The following SLC25A48 variants were observed in gnomAD, a reference collection of about 807,000 sequenced individuals.
SLC25A48 encodes the protein solute carrier family 25 member 48.
A neutral mutation model predicts 32.2 loss-of-function variants in SLC25A48; 29 were observed. The ratio of observed to expected loss-of-function variants is 0.90; its 90% CI spans 0.67 to 1.23. SLC25A48 has a LOEUF of 1.23. Ranked by LOEUF, SLC25A48 falls within the 50% of genes most tolerant of loss-of-function variation. The pLI is 0.00. For synonymous variants in SLC25A48, 164 were observed against 172.3 expected, an observed-to-expected ratio of 0.95 and a Z score of 0.38; for missense variants, 399 against 422.7, an observed-to-expected ratio of 0.94 and a Z score of 0.49.
chr5:135,609,796 C>T (rs936853091), intron 1 of SLC25A48: 9 of 152,112 alleles, frequency 5.9e-5, no homozygotes, highest in Admixed American at 1.3e-4. Flanking sequence ...AAAGAGAATA[C>T]GTGTACATTC....
chr5:135,856,009 C>A (rs893574240), intron 4 of SLC25A48, among the ~76,000 whole-genome samples: 2 of 152,164 alleles, frequency 1.3e-5, no homozygotes, highest in African/African-American at 2.4e-5. Flanking sequence ...GTGGCTTTCC[C>A]AAAGGAGGGT....
At chr5:135,689,466 G>A (rs993182162) in intron 3 of SLC25A48, among the ~76,000 whole-genome samples, 2 of 152,190 alleles carry the variant, frequency 1.3e-5, no homozygotes, top group Admixed American at 6.5e-5. Context: ...TACATACATT[G>A]TTGAATAAGT....
chr5:135,730,628 C>T (rs1194230667), intron 3 of SLC25A48, among the ~76,000 whole-genome samples: 1 of 152,176 alleles, frequency 6.6e-6, no homozygotes, highest in African/African-American at 2.4e-5. Flanking sequence ...AATGTGGAAG[C>T]AACTTTGGAA....
In SLC25A48 at chr5:135,865,167, T is replaced by C. The variant is rs79933891; in HGVS notation, c.422-6294T>C. ...ATGAGGAAACTAAGACCCAGTGAGA[T>C]TGAATCTCTTGCATGGGGTTGTACA... is the stretch of plus-strand genomic sequence containing the variant. On this transcript the variant is annotated intron_variant, in intron 4 of 7. Transcript: ENST00000681962. 9.1e-3 allele frequency among the ~76,000 whole-genome samples: 1,382 copies of C among 152,332 alleles called. 26 individuals are homozygous for C. The highest frequency in any genetic ancestry group is 0.031 in the African/African-American group (1,295 of 41,572).
intron 3 of SLC25A48, among the ~76,000 whole-genome samples, chr5:135,650,687 C>A (rs55707666): frequency 0.011 from 1,685 of 152,272 alleles, 38 homozygotes; most frequent in African/African-American, 0.037. Flanking sequence ...GTCAGGACCA[C>A]AAGGTTTGTT....
chr5:135,808,895 G>C (rs1016826806), intron 3 of SLC25A48, among the ~76,000 whole-genome samples: 1 of 152,056 alleles, frequency 6.6e-6, no homozygotes, highest in Non-Finnish European at 1.5e-5. Context: ...TCTCTTTCCC[G>C]TTTCAACAAC....
chr5:135,682,948 A>G (rs1404988010), intron 3 of SLC25A48, among the ~76,000 whole-genome samples: 1 of 152,190 alleles, frequency 6.6e-6, no homozygotes, highest in African/African-American at 2.4e-5. Context: ...AGGTCTGCTT[A>G]TGAGAACTCA....
chr5:135,752,760 T>G (rs1048723585), intron 3 of SLC25A48, among the ~76,000 whole-genome samples: 1 of 152,136 alleles, frequency 6.6e-6, no homozygotes, highest in African/African-American at 2.4e-5. Flanking sequence ...GTCATATCTC[T>G]ATGATATTAT....
intron 3 of SLC25A48, among the ~76,000 whole-genome samples, chr5:135,750,368 G>C (rs1253057210): frequency 6.6e-6 from 1 of 152,126 alleles, no homozygotes; most frequent in Admixed American, 6.5e-5. Flanking sequence ...TTCGACTGGG[G>C]GTTGGCTGGA....
chr5:135,655,033 C>G (rs1202528643), intron 3 of SLC25A48, among the ~76,000 whole-genome samples: 1 of 152,172 alleles, frequency 6.6e-6, no homozygotes, highest in African/African-American at 2.4e-5. Context: ...GCTGGGGGAC[C>G]TAGCAGGGCC....
At chr5:135,778,025 G>T (rs62365737) in intron 3 of SLC25A48, among the ~76,000 whole-genome samples, 45,791 of 151,402 alleles carry the variant, frequency 0.3, 7,058 homozygotes, top group East Asian at 0.46. Context: ...ATCCAAACGG[G>T]GAGAGGCTGA....
intron 6 of SLC25A48, among the ~76,000 whole-genome samples, chr5:135,879,721 G>T (rs952309580): frequency 6.6e-6 from 1 of 152,070 alleles, no homozygotes; most frequent in African/African-American, 2.4e-5. Flanking sequence ...TGGCCCAACA[G>T]CTTACCTATA....
chr5:135,721,192 C>CTTGTTTTTTTTTT (rs1754944753), intron 3 of SLC25A48, among the ~76,000 whole-genome samples: 1 of 53,866 alleles, frequency 1.9e-5, no homozygotes, highest in Non-Finnish European at 4.2e-5. Context: ...CATGCCTGGC[C>CTTGTTTTTTTTTT]TTTTTTTTTT....
intron 2 of SLC25A48, among the ~76,000 whole-genome samples, chr5:135,631,764 A>G (rs1179399292): frequency 6.6e-6 from 1 of 152,228 alleles, no homozygotes; most frequent in Non-Finnish European, 1.5e-5. Context: ...TTCATTTAAA[A>G]TGTTGTTCTA....
chr5:135,765,969 C>T (rs1321535147), intron 3 of SLC25A48, among the ~76,000 whole-genome samples: 2 of 151,288 alleles, frequency 1.3e-5, no homozygotes, highest in South Asian at 2.1e-4. Context: ...ATACATCCCC[C>T]CGTGATATGG....
intron 3 of SLC25A48, among the ~76,000 whole-genome samples, chr5:135,801,453 G>T (rs1181405592): frequency 6.7e-6 from 1 of 149,850 alleles, no homozygotes; most frequent in Non-Finnish European, 1.5e-5. Context: ...ATATCTAGGG[G>T]GCGAGAGGAT....
intron 3 of SLC25A48, among the ~76,000 whole-genome samples, chr5:135,787,829 A>G (rs1756887931): frequency 6.6e-6 from 1 of 151,346 alleles, no homozygotes; most frequent in African/African-American, 2.4e-5. Flanking sequence ...ACATTTTTTG[A>G]TATTATTCTT....
chr5:135,740,767 C>T (rs148783463), intron 3 of SLC25A48, among the ~76,000 whole-genome samples: 1 of 152,172 alleles, frequency 6.6e-6, no homozygotes, highest in Non-Finnish European at 1.5e-5. Flanking sequence ...TGGACTCTGT[C>T]AGAAAAGCTG....
At position 135,869,668 on chromosome 5, in the gene SLC25A48, G is replaced by A. The variant is rs754762262; in HGVS notation, c.422-1793G>A. 1.1e-3 allele frequency among the ~76,000 whole-genome samples: 172 copies of A among 152,230 alleles called. 4 individuals are homozygous for A. Among genetic ancestry groups the A allele is most frequent in the Admixed American group, 1.7e-3 (26 of 15,298 alleles). Reference sequence around the variant, plus strand: ...GACAATGACATCTATTCTGTCTAACGGCAGAATTTCTCCAGATGAACCAGG... The same window carrying A: ...GACAATGACATCTATTCTGTCTAACAGCAGAATTTCTCCAGATGAACCAGG... On this transcript the variant is annotated intron_variant, in intron 4 of 7. Coordinates refer to ENST00000681962, the MANE Select transcript of SLC25A48 (RefSeq NM_001349336.2).
Sources: allele counts gnomAD v4.1 joint callset (sites outside exome capture counted in the v4.1 genomes callset), GRCh38; gene constraint gnomAD v4.1.1; transcripts MANE v1.5; gene names NCBI Gene and HGNC (gene_info 2026-07-23, HGNC 2026-07-21).